TMEM132C: variants seen among roughly 807,000 people sequenced by gnomAD.
The protein encoded by TMEM132C is transmembrane protein 132C, also known as protein phosphatase 1, regulatory subunit 152.
Under a neutral mutation model 61.4 loss-of-function variants are expected in TMEM132C, and 29 were observed. That is an observed-to-expected ratio of 0.47 (90% CI 0.35 to 0.64). The LOEUF (loss-of-function observed/expected upper bound fraction) is 0.64. Among genes scored for constraint, TMEM132C ranks in the 30% least tolerant of loss-of-function variants. The probability of loss-of-function intolerance (pLI) is 0.00; values close to 1 mark genes in which losing one functional copy is unlikely to be tolerated. For synonymous variants in TMEM132C, 656 were observed against 633.1 expected (o/e 1.04, Z -0.54); for missense variants, 1,408 against 1,476.9 (o/e 0.95, Z 0.76).
intron 4 of TMEM132C, among the ~76,000 whole-genome samples, chr12:128,667,217 G>T (rs1282578838): frequency 6.6e-6 from 1 of 152,226 alleles, no homozygotes; most frequent in Non-Finnish European, 1.5e-5. Context: ...ACATGTGTGT[G>T]TGTGCGCATG....
At chr12:128,460,288 T>C (rs1349955099) in intron 2 of TMEM132C, among the ~76,000 whole-genome samples, 1 of 152,144 alleles carries the variant, frequency 6.6e-6, no homozygotes, top group Non-Finnish European at 1.5e-5. Flanking sequence ...CAGGACTGCC[T>C]TTAGACCCAT....
chr12:128,677,772 T>C (rs950499291), intron 5 of TMEM132C, among the ~76,000 whole-genome samples: 1 of 152,138 alleles, frequency 6.6e-6, no homozygotes, highest in African/African-American at 2.4e-5. Context: ...TTAGAGAAAG[T>C]TCATCTATTG....
At chr12:128,627,975 A>G (rs1412951543) in intron 4 of TMEM132C, among the ~76,000 whole-genome samples, 1 of 152,140 alleles carries the variant, frequency 6.6e-6, no homozygotes, top group Non-Finnish European at 1.5e-5. Flanking sequence ...GTGCAGGTGC[A>G]GGTTCAGGTG....
At chr12:128,653,129 G>A (rs1053043651) in intron 4 of TMEM132C, among the ~76,000 whole-genome samples, 5 of 152,186 alleles carry the variant, frequency 3.3e-5, no homozygotes, top group South Asian at 2.1e-4. Flanking sequence ...ATGCTACCAC[G>A]TGGACGAACC....
intron 2 of TMEM132C, among the ~76,000 whole-genome samples, chr12:128,483,757 A>G (rs1319291703): frequency 2.0e-5 from 3 of 152,154 alleles, no homozygotes; most frequent in Non-Finnish European, 4.4e-5. Context: ...AAACATAGCC[A>G]TCGTTAGAGA....
chr12:128,404,053 C>A (rs535998814), intron 1 of TMEM132C, among the ~76,000 whole-genome samples: 1 of 152,150 alleles, frequency 6.6e-6, no homozygotes, highest in Non-Finnish European at 1.5e-5. Context: ...TAACAGCCCC[C>A]TCCCAGTTGT....
chr12:128,696,221 C>A, intron 7 of TMEM132C, 118 bp downstream of exon 7: 1 of 1,359,236 alleles, frequency 7.4e-7, no homozygotes, highest in Non-Finnish European at 9.9e-7. Flanking sequence ...ATCATGGGAA[C>A]ACAGGAAGAT....
chr12:128,528,209 C>T (rs1296089503), intron 2 of TMEM132C, among the ~76,000 whole-genome samples: 1 of 152,188 alleles, frequency 6.6e-6, no homozygotes, highest in African/African-American at 2.4e-5. Context: ...TGGCCAGCCT[C>T]CAGACTCAGA....
At chr12:128,393,785 A>G (rs1434471699) in intron 1 of TMEM132C, among the ~76,000 whole-genome samples, 1 of 152,176 alleles carries the variant, frequency 6.6e-6, no homozygotes, top group Non-Finnish European at 1.5e-5. Context: ...TCAGATCAGC[A>G]TTGCAATCAG....
At chr12:128,453,101 G>A (rs892775531) in intron 2 of TMEM132C, among the ~76,000 whole-genome samples, 86 of 152,170 alleles carry the variant, frequency 5.7e-4, no homozygotes, top group African/African-American at 2.0e-3. Context: ...AGACAAGACC[G>A]TGTTGATTCT....
intron 1 of TMEM132C, among the ~76,000 whole-genome samples, chr12:128,366,696 G>T (rs1051084379): frequency 6.6e-6 from 1 of 152,206 alleles, no homozygotes; most frequent in African/African-American, 2.4e-5. Flanking sequence ...CTCCTTCTGA[G>T]TTTCAGAAGC....
In TMEM132C at chr12:128,380,039, A is replaced by T. The variant is rs944084340; in HGVS notation, c.86-34693A>T. ...CTTTCAGCAAGAGCTTAATCTCTCCATGCCTCAGTTTCCTTATCTGTAAAA... is the reference window on the plus strand; with the variant it reads ...CTTTCAGCAAGAGCTTAATCTCTCCTTGCCTCAGTTTCCTTATCTGTAAAA... On this transcript the variant is annotated intron_variant, in intron 1 of 8. Transcript: ENST00000435159. Among the ~76,000 whole-genome samples the T allele has an allele frequency of 2.0e-4, 30 of 152,330 alleles. 2 individuals are homozygous for T. Among genetic ancestry groups the T allele is most frequent in the Admixed American group, 1.8e-3 (27 of 15,308 alleles).
intron 1 of TMEM132C, among the ~76,000 whole-genome samples, chr12:128,361,007 A>T (rs1403796778): frequency 6.6e-6 from 1 of 152,226 alleles, no homozygotes; most frequent in Non-Finnish European, 1.5e-5. Context: ...TGTGCTTAGC[A>T]TTGCTTAAGG....
intron 2 of TMEM132C, 144 bp from the exon 3 acceptor site, chr12:128,543,813 C>G: frequency 1.0e-5 from 11 of 1,105,384 alleles, no homozygotes; most frequent in Non-Finnish European, 1.4e-5. Flanking sequence ...ATCACCACCA[C>G]TGGGCAGCTT....
chr12:128,459,191 C>T (rs1870445689), intron 2 of TMEM132C, among the ~76,000 whole-genome samples: 1 of 152,174 alleles, frequency 6.6e-6, no homozygotes, highest in African/African-American at 2.4e-5. Context: ...CTCTGCATAC[C>T]TCTAATTTCC....
chr12:128,398,016 C>T (rs972099338), intron 1 of TMEM132C, among the ~76,000 whole-genome samples: 19 of 152,092 alleles, frequency 1.2e-4, no homozygotes, highest in South Asian at 4.1e-4. Flanking sequence ...TTTTTTCCCC[C>T]GATTAACGTT....
At chr12:128,622,360 A>T (rs7485007) in intron 4 of TMEM132C, among the ~76,000 whole-genome samples, 507 of 29,078 alleles carry the variant, frequency 0.017, 4 homozygotes, top group African/African-American at 0.029. Context: ...AAAAAAAAAA[A>T]ATATATATAT....
chr12:128,652,907 G>A (rs1219133508), intron 4 of TMEM132C, among the ~76,000 whole-genome samples: 2 of 152,184 alleles, frequency 1.3e-5, no homozygotes, highest in Non-Finnish European at 2.9e-5. Context: ...AAAAGGACCT[G>A]TCATAATGCA....
chr12:128,608,484 T>G (rs1876503227), intron 3 of TMEM132C, among the ~76,000 whole-genome samples: 1 of 152,204 alleles, frequency 6.6e-6, no homozygotes, highest in Non-Finnish European at 1.5e-5. Flanking sequence ...AAGTTACCCC[T>G]CTGCTAAATA....
Sources: allele counts gnomAD v4.1 joint callset (sites outside exome capture counted in the v4.1 genomes callset), GRCh38; gene constraint gnomAD v4.1.1; transcripts MANE v1.5; gene names NCBI Gene and HGNC (gene_info 2026-07-23, HGNC 2026-07-21).